CACNA2D1: variants seen among roughly 807,000 people sequenced by gnomAD.
CACNA2D1 encodes voltage-dependent calcium channel subunit alpha-2/delta-1.
Under a neutral mutation model 171.5 loss-of-function variants are expected in CACNA2D1, and 53 were observed. The observed-to-expected ratio is 0.31, with a 90% confidence interval of 0.25 to 0.39. The LOEUF (loss-of-function observed/expected upper bound fraction) is 0.39, where lower values mean the gene tolerates loss of function less well. Among genes scored for constraint, CACNA2D1 ranks in the 10% least tolerant of loss-of-function variants. CACNA2D1 has a pLI of 1.00. For synonymous variants in CACNA2D1, 442 were observed against 443.1 expected, an observed-to-expected ratio of 1.00 and a Z score of 0.03; for missense variants, 903 against 1,299.8, an observed-to-expected ratio of 0.69 and a Z score of 4.69.
chr7:82,388,276 G>T (rs1248886008), intron 1 of CACNA2D1, among the ~76,000 whole-genome samples: 1 of 152,078 alleles, frequency 6.6e-6, no homozygotes, highest in Non-Finnish European at 1.5e-5. Context: ...AATCAAAGGA[G>T]ATCATGGTTT....
At chr7:81,958,868 C>A (rs1269470197) in intron 38 of CACNA2D1, among the ~76,000 whole-genome samples, 1 of 150,708 alleles carries the variant, frequency 6.6e-6, no homozygotes, top group Admixed American at 6.6e-5. Context: ...CACTAGAACT[C>A]TGTAATAATA....
chr7:82,057,847 T>C (rs1806137357), intron 10 of CACNA2D1, among the ~76,000 whole-genome samples: 1 of 152,106 alleles, frequency 6.6e-6, no homozygotes, highest in Admixed American at 6.6e-5. Flanking sequence ...GGAAAGGTAT[T>C]AGAGGAAAGA....
chr7:82,118,821 T>G (rs984033072), intron 5 of CACNA2D1, among the ~76,000 whole-genome samples: 2 of 152,050 alleles, frequency 1.3e-5, no homozygotes, highest in Non-Finnish European at 2.9e-5. Flanking sequence ...AAGGTACAAT[T>G]GTTAAACATA....
intron 3 of CACNA2D1, among the ~76,000 whole-genome samples, chr7:82,251,882 A>T (rs2129316407): frequency 6.6e-6 from 1 of 152,230 alleles, no homozygotes; most frequent in African/African-American, 2.4e-5. Flanking sequence ...AACCTTTAAC[A>T]TTTTTTGTCC....
chr7:82,365,596 T>C (rs964723279), intron 1 of CACNA2D1, among the ~76,000 whole-genome samples: 2 of 152,228 alleles, frequency 1.3e-5, no homozygotes, highest in Admixed American at 6.5e-5. Flanking sequence ...AATGAATAGA[T>C]GGTGTTTTGT....
chr7:82,095,323 T>C (rs1166197722), intron 6 of CACNA2D1, among the ~76,000 whole-genome samples: 1 of 152,150 alleles, frequency 6.6e-6, no homozygotes, highest in African/African-American at 2.4e-5. Context: ...CCACTCCTTA[T>C]TTTTTTCTAT....
intron 3 of CACNA2D1, among the ~76,000 whole-genome samples, chr7:82,246,452 G>A (rs1345078902): frequency 6.6e-6 from 1 of 151,974 alleles, no homozygotes; most frequent in Non-Finnish European, 1.5e-5. Context: ...AAACATCATA[G>A]AACATTTTTG....
intron 1 of CACNA2D1, among the ~76,000 whole-genome samples, chr7:82,366,447 T>C (rs1308619091): frequency 1.3e-5 from 2 of 152,164 alleles, no homozygotes; most frequent in Admixed American, 1.3e-4. Flanking sequence ...AATGTTCACC[T>C]CCCACTTATA....
intron 3 of CACNA2D1, among the ~76,000 whole-genome samples, chr7:82,243,714 C>G (rs921342144): frequency 3.9e-5 from 6 of 152,176 alleles, no homozygotes; most frequent in Non-Finnish European, 5.9e-5. Context: ...ATACTCCCAC[C>G]ATGCTACATG....
intron 3 of CACNA2D1, among the ~76,000 whole-genome samples, chr7:82,245,015 A>T (rs973207458): frequency 2.6e-5 from 4 of 152,214 alleles, no homozygotes; most frequent in Non-Finnish European, 4.4e-5. Context: ...AAATCACATG[A>T]ATTATACATA....
intron 1 of CACNA2D1, among the ~76,000 whole-genome samples, chr7:82,385,327 T>A (rs1232751960): frequency 7.9e-5 from 12 of 152,228 alleles, no homozygotes; most frequent in Non-Finnish European, 2.9e-5. Context: ...AGAAAAAGAC[T>A]TTCTCATACA....
intron 3 of CACNA2D1, among the ~76,000 whole-genome samples, chr7:82,262,551 C>G (rs1282292600): frequency 6.6e-6 from 1 of 152,044 alleles, no homozygotes; most frequent in Non-Finnish European, 1.5e-5. Flanking sequence ...TGTATTTTTC[C>G]TTTTAAAAAA....
chr7:82,379,912 T>C (rs958764157), intron 1 of CACNA2D1, among the ~76,000 whole-genome samples: 20 of 152,172 alleles, frequency 1.3e-4, no homozygotes, highest in Admixed American at 8.5e-4. Flanking sequence ...TTTTACACTA[T>C]TTTCCATTAA....
At chr7:82,319,275 A>G (rs1006208637) in intron 3 of CACNA2D1, among the ~76,000 whole-genome samples, 5 of 152,328 alleles carry the variant, frequency 3.3e-5, no homozygotes, top group Non-Finnish European at 5.9e-5. Flanking sequence ...CTCTCTACTG[A>G]GAAATCATGA....
intron 3 of CACNA2D1, among the ~76,000 whole-genome samples, chr7:82,233,480 C>T (rs1264258390): frequency 6.6e-6 from 1 of 152,020 alleles, no homozygotes; most frequent in Non-Finnish European, 1.5e-5. Flanking sequence ...TTTCATCTAG[C>T]AAAGCTCTGA....
chr7:82,058,941 C>T (rs1465446136), intron 10 of CACNA2D1, among the ~76,000 whole-genome samples: 1 of 152,030 alleles, frequency 6.6e-6, no homozygotes, highest in Non-Finnish European at 1.5e-5. Flanking sequence ...ACTCTTAGGC[C>T]GCGATACACC....
chr7:82,001,522 T>A, intron 18 of CACNA2D1: 1 of 277,196 alleles, frequency 3.6e-6, no homozygotes, highest in South Asian at 3.8e-5. Flanking sequence ...GAAATGATGC[T>A]CATCTCATTT....
At chr7:82,217,343 C>A (rs1380004373) in intron 3 of CACNA2D1, among the ~76,000 whole-genome samples, 1 of 62,582 alleles carries the variant, frequency 1.6e-5, no homozygotes, top group Non-Finnish European at 3.6e-5. Context: ...TTGCATCCTG[C>A]CTTTTTAAAA....
At chr7:82,149,851 G>A (rs1793606696) in intron 4 of CACNA2D1, among the ~76,000 whole-genome samples, 1 of 151,706 alleles carries the variant, frequency 6.6e-6, no homozygotes. Context: ...CAGCTACTCA[G>A]GAAGCTGAGG....
Sources: gnomAD v4.1 joint callset for allele counts (sites outside exome capture counted in the v4.1 genomes callset) on GRCh38, gnomAD v4.1.1 for gene constraint, MANE v1.5 for transcripts, NCBI Gene and HGNC (gene_info 2026-07-23, HGNC 2026-07-21) for gene names.